The following UTP20 variants were observed in gnomAD, a reference collection of about 807,000 sequenced individuals.
UTP20 encodes the protein UTP20 small subunit processome component.
In UTP20, 164 loss-of-function variants were observed where a neutral mutation model predicts 329.5. The observed-to-expected ratio is 0.50, with a 90% CI of 0.44 to 0.57. The LOEUF (loss-of-function observed/expected upper bound fraction) is 0.57, where lower values mean the gene tolerates loss of function less well. Ranked by LOEUF, UTP20 falls within the 20% of genes least tolerant of loss-of-function variation. UTP20 has a pLI of 0.00. For synonymous variants in UTP20, 1,151 were observed against 1,159.3 expected (o/e 0.99, Z 0.14); for missense variants, 3,055 against 3,284.2 (o/e 0.93, Z 1.71).
chr12:101,380,394 GAAAGA>G (rs1555203418), intron 57 of UTP20, among the ~76,000 whole-genome samples: 56 of 151,836 alleles, frequency 3.7e-4, no homozygotes, highest in African/African-American at 1.1e-3. Context: ...CAAAAAGAAA[GAAAGA>G]AAAGAAAAGA....
Position 101,380,628 on chromosome 12 carries a change from C to T in UTP20, c.7585-512C>T, listed in dbSNP as rs185681246. On this transcript the variant is annotated intron_variant, in intron 57 of 61. Transcript: ENST00000261637. ...CTGTAATCCCAACACATTGGGAGGC[C>T]GAGGTGGGTGGATCACCTGAGGTCA... 2.0e-4 allele frequency among the ~76,000 whole-genome samples: 30 copies of T among 151,352 alleles called. 1 individual carries two copies. The highest frequency in any genetic ancestry group is 6.6e-4 in the Admixed American group (10 of 15,200).
chr12:101,375,861 G>A, intron 56 of UTP20, 105 bp downstream of exon 56: 2 of 692,326 alleles, frequency 2.9e-6, no homozygotes, highest in Non-Finnish European at 4.7e-6. Flanking sequence ...AGTATACAAT[G>A]TCAGGAAAAG....
chr12:101,320,618 T>A (rs1873119229), intron 23 of UTP20, among the ~76,000 whole-genome samples: 1 of 152,140 alleles, frequency 6.6e-6, no homozygotes, highest in Non-Finnish European at 1.5e-5. Flanking sequence ...CCCCAGGGTA[T>A]GACTGTGGGA....
intron 29 of UTP20, 151 bp from the exon 30 acceptor site, chr12:101,337,900 C>A: frequency 1.4e-6 from 1 of 698,140 alleles, no homozygotes. Flanking sequence ...GAATTATTAT[C>A]CATCAAATTT....
intron 58 of UTP20, 128 bp downstream of exon 58, chr12:101,381,339 C>A (rs1257442618): frequency 5.4e-6 from 4 of 744,720 alleles, no homozygotes; most frequent in African/African-American, 3.5e-5. Context: ...TCGAGATGAG[C>A]CTGGCCAACA....
chr12:101,291,219 C>T (rs1024094788), intron 8 of UTP20: 5 of 192,920 alleles, frequency 2.6e-5, no homozygotes, highest in Non-Finnish European at 5.2e-5. Context: ...AATATTCTCT[C>T]CCTCAGGGTT....
At chr12:101,355,998 A>G (rs1039889367) in intron 41 of UTP20, among the ~76,000 whole-genome samples, 9 of 152,220 alleles carry the variant, frequency 5.9e-5, no homozygotes, top group African/African-American at 2.2e-4. Flanking sequence ...GCTTCTTCCA[A>G]AAGTAGAACA....
At chr12:101,336,029 G>A (rs1185025598) in intron 29 of UTP20, among the ~76,000 whole-genome samples, 1 of 152,148 alleles carries the variant, frequency 6.6e-6, no homozygotes, top group Non-Finnish European at 1.5e-5. Context: ...CTTATTGAAG[G>A]TATTGAGCCA....
chr12:101,363,394 T>C (rs1320784933), intron 44 of UTP20, among the ~76,000 whole-genome samples, 182 bp from the exon 45 acceptor site: 1 of 152,214 alleles, frequency 6.6e-6, no homozygotes, highest in Non-Finnish European at 1.5e-5. Flanking sequence ...TTTTTAGTAA[T>C]TGGTCCCTAA....
At chr12:101,365,371 A>G in intron 45 of UTP20, 88 bp from the exon 46 acceptor site, 1 of 906,692 alleles carries the variant, frequency 1.1e-6, no homozygotes, top group South Asian at 2.0e-5. Flanking sequence ...TATATTAGAA[A>G]GCTAATATAT....
chr12:101,291,730 C>CT lies in UTP20; in HGVS notation c.892-9dup. ...TACTTTATATTCTCTCTGTTAAATT[C>CT]TTTGTTTGCAGGAATCGCTCTTGGA... On this transcript the variant is annotated splice_polypyrimidine_tract_variant and intron_variant, in intron 8 of 61. Transcript: ENST00000261637. 6.6e-7 allele frequency: 1 copy of CT among 1,513,826 alleles called. No individual in the cohort carries two copies. The highest frequency in any genetic ancestry group is 2.3e-5 in the East Asian group (1 of 42,660). The allele number at this position is 1,513,826 out of a possible 1,614,324, so 93.8% of individuals were successfully genotyped here. A position where few individuals can be genotyped will look rare whatever the true frequency, so the allele number is the denominator to read the frequency against.
intron 12 of UTP20, among the ~76,000 whole-genome samples, chr12:101,299,166 T>C (rs556579926): frequency 6.6e-6 from 1 of 152,306 alleles, no homozygotes; most frequent in African/African-American, 2.4e-5. Context: ...GTCACAGATA[T>C]TCAAAACAGA....
In UTP20 at chr12:101,355,039, TAG is replaced by T; in HGVS notation, c.5321_5322del (p.Arg1774AsnfsTer3). ...TTCCTTCCTCAAAACAAGGAAGAAA[TAG>T]AGAGAACAATTAAAAATATCCAAGG... On this transcript the variant is annotated frameshift_variant, in exon 41 of 62. Coordinates refer to ENST00000261637, the MANE Select transcript of UTP20 (RefSeq NM_014503.3). LOFTEE classifies it high-confidence loss of function. 1.2e-6 allele frequency: 2 copies of T among 1,614,000 alleles called. No homozygotes were observed. The highest frequency in any genetic ancestry group is 8.5e-7 in the Non-Finnish European group (1 of 1,180,000).
chr12:101,385,495 T>C (rs1870793300), intron 60 of UTP20, 88 bp from the exon 61 acceptor site: 2 of 1,452,612 alleles, frequency 1.4e-6, no homozygotes, highest in African/African-American at 2.9e-5. Context: ...TAGCTGGATA[T>C]AAATGTTGTA....
At chr12:101,354,272 A>G (rs951902381) in intron 40 of UTP20, among the ~76,000 whole-genome samples, 69 of 134,126 alleles carry the variant, frequency 5.1e-4, no homozygotes, top group African/African-American at 2.4e-3. Context: ...AAAAAAAAAA[A>G]AAAAAAAAAA....
chr12:101,382,171 G>A (rs1358094539), intron 58 of UTP20, among the ~76,000 whole-genome samples: 2 of 152,034 alleles, frequency 1.3e-5, no homozygotes, highest in African/African-American at 2.4e-5. Flanking sequence ...TCAGGAGGCC[G>A]AGATGAGCAG....
chr12:101,340,047 ACTT>A (rs1869068019), intron 31 of UTP20, among the ~76,000 whole-genome samples: 1 of 152,182 alleles, frequency 6.6e-6, no homozygotes, highest in Non-Finnish European at 1.5e-5. Context: ...GACCTGCTGT[ACTT>A]CTTCTAGCTG....
intron 56 of UTP20, among the ~76,000 whole-genome samples, chr12:101,376,900 G>A (rs1052160199): frequency 5.3e-5 from 8 of 151,196 alleles, no homozygotes; most frequent in African/African-American, 9.7e-5. Flanking sequence ...TACCCGCCTC[G>A]ACCTCCCAAA....
chr12:101,383,735 T>A, intron 60 of UTP20, 66 bp downstream of exon 60: 1 of 1,344,232 alleles, frequency 7.4e-7, no homozygotes, highest in South Asian at 2.3e-5. Context: ...CTCCTGAATG[T>A]TTCCTTCTTC....
Sources: gnomAD v4.1 joint callset for allele counts (sites outside exome capture counted in the v4.1 genomes callset) on GRCh38, gnomAD v4.1.1 for gene constraint, MANE v1.5 for transcripts, NCBI Gene and HGNC (gene_info 2026-07-23, HGNC 2026-07-21) for gene names.